Variants in RDX observed in about 807,000 individuals in gnomAD.
RDX encodes deafness, autosomal recessive 24.
A neutral mutation model predicts 83.7 loss-of-function variants in RDX; 32 were observed. That is an observed-to-expected ratio of 0.38 (90% CI 0.29 to 0.51). RDX has a LOEUF of 0.51. Ranked by LOEUF, RDX falls within the 20% of genes least tolerant of loss-of-function variation. RDX has a pLI of 0.87. For missense variants in RDX, 600 were observed against 689.9 expected, an observed-to-expected ratio of 0.87 and a Z score of 1.46; for synonymous variants, 229 against 222.7, an observed-to-expected ratio of 1.03 and a Z score of -0.25.
intron 1 of RDX, among the ~76,000 whole-genome samples, chr11:110,295,556 T>C (rs1861414661): frequency 6.7e-6 from 1 of 149,420 alleles, no homozygotes; most frequent in Non-Finnish European, 1.5e-5. Context: ...TAACTACTCT[T>C]TAAGGAAAAA....
intron 15 of RDX, chr11:110,179,920 G>A: frequency 1.5e-5 from 1 of 66,042 alleles, no homozygotes; most frequent in Non-Finnish European, 2.8e-5. Context: ...TTTTTTTTTT[G>A]AGACAGAGTT....
intron 3 of RDX, among the ~76,000 whole-genome samples, chr11:110,271,388 G>A (rs959975734): frequency 1.3e-5 from 2 of 152,118 alleles, no homozygotes; most frequent in African/African-American, 2.4e-5. Flanking sequence ...AAGAAAAAGT[G>A]TACGTGAAGT....
At position 110,207,048 on chromosome 11, in the gene RDX, C is replaced by T. The variant is rs149248453; in HGVS notation, c.1749-7370G>A. ...AGTGCAGTGGCATGATCTCAGCTCA[C>T]TGTAACCTCCACCTCCTGAGGTTCA... is the stretch of plus-strand genomic sequence containing the variant. On this transcript the variant is annotated intron_variant, in intron 14 of 15. Coordinates refer to the RDX transcript ENST00000528498. Among the ~76,000 whole-genome samples, 769 of 152,310 alleles carry T rather than the reference C, an allele frequency of 5.0e-3. 5 individuals carry two copies. The highest frequency in any genetic ancestry group is 7.8e-3 in the Non-Finnish European group (528 of 68,028).
chr11:110,247,600 G>T, intron 10 of RDX, 103 bp downstream of exon 10: 1 of 1,169,662 alleles, frequency 8.5e-7, no homozygotes, highest in Non-Finnish European at 1.2e-6. Context: ...ATATACAATT[G>T]TCCTATATAA....
intron 1 of RDX, among the ~76,000 whole-genome samples, chr11:110,287,953 A>G (rs1406332801): frequency 6.6e-6 from 1 of 152,208 alleles, no homozygotes; most frequent in Non-Finnish European, 1.5e-5. Context: ...ATTCGAAACA[A>G]TTACTAGGGC....
chr11:110,220,619 C>G (rs1864210028), intron 14 of RDX, among the ~76,000 whole-genome samples: 1 of 152,180 alleles, frequency 6.6e-6, no homozygotes, highest in Non-Finnish European at 1.5e-5. Context: ...CTGCCTCAGC[C>G]TCCTGAGTAG....
At chr11:110,266,220 C>T (rs963755033) in intron 3 of RDX, among the ~76,000 whole-genome samples, 4 of 151,770 alleles carry the variant, frequency 2.6e-5, no homozygotes, top group Non-Finnish European at 5.9e-5. Flanking sequence ...GTAGTCCCAG[C>T]CACTTGGGAG....
chr11:110,284,541 G>A (rs1425191809), intron 1 of RDX, among the ~76,000 whole-genome samples: 1 of 127,376 alleles, frequency 7.9e-6, no homozygotes, highest in African/African-American at 3.0e-5. Flanking sequence ...TTTTTTTTTT[G>A]AGATGGTCTC....
chr11:110,246,364 C>T (rs1859104915), intron 10 of RDX, among the ~76,000 whole-genome samples: 1 of 152,174 alleles, frequency 6.6e-6, no homozygotes, highest in African/African-American at 2.4e-5. Context: ...CCACAGCAGG[C>T]TGGTGTAAGA....
intron 1 of RDX, among the ~76,000 whole-genome samples, chr11:110,286,729 A>G (rs1396799938): frequency 6.6e-6 from 1 of 152,238 alleles, no homozygotes; most frequent in East Asian, 1.9e-4. Flanking sequence ...AAGAGAACTC[A>G]TCTGCCAATT....
At chr11:110,292,216 C>A (rs1861272274) in intron 1 of RDX, among the ~76,000 whole-genome samples, 1 of 151,874 alleles carries the variant, frequency 6.6e-6, no homozygotes, top group South Asian at 2.1e-4. Flanking sequence ...TCGCTTGAAC[C>A]CTGGAGGCAG....
chr11:110,205,064 T>C (rs1238810373), intron 14 of RDX, among the ~76,000 whole-genome samples: 1 of 152,000 alleles, frequency 6.6e-6, no homozygotes, highest in Admixed American at 6.6e-5. Flanking sequence ...ATAGAAACAC[T>C]GACCAATGCA....
intron 1 of RDX, among the ~76,000 whole-genome samples, chr11:110,287,857 CAA>C (rs1861051129): frequency 6.6e-6 from 1 of 152,306 alleles, no homozygotes; most frequent in South Asian, 2.1e-4. Flanking sequence ...GGCTACTTAA[CAA>C]GACATAAGTC....
At position 110,281,536 on chromosome 11, in the gene RDX, A is replaced by G. The variant is rs1017024995; in HGVS notation, c.-64-1780T>C. ...GAGAAAGGGTTTCATCATGTTGGCC[A>G]GGCTGGTCTCAAACTCCTGAGCTCA... On this transcript the variant is annotated intron_variant, in intron 1 of 13. Transcript: ENST00000645495. Among the ~76,000 whole-genome samples the G allele has an allele frequency of 2.0e-5, 3 of 152,180 alleles. No individual in the cohort carries two copies. In the East Asian group the frequency reaches 5.8e-4, roughly 29 times the overall value.
chr11:110,187,965 A>G (rs922941484), intron 15 of RDX, among the ~76,000 whole-genome samples: 2 of 152,212 alleles, frequency 1.3e-5, no homozygotes, highest in African/African-American at 4.8e-5. Flanking sequence ...AAACCTGCCA[A>G]CAGAAGTGCA....
intron 2 of RDX, among the ~76,000 whole-genome samples, chr11:110,273,351 T>C (rs1860377498): frequency 6.6e-6 from 1 of 152,262 alleles, no homozygotes; most frequent in African/African-American, 2.4e-5. Flanking sequence ...TGTAAATACA[T>C]TATTCGCTTT....
chr11:110,200,607 C>T (rs563701936), intron 14 of RDX, among the ~76,000 whole-genome samples: 5 of 151,928 alleles, frequency 3.3e-5, no homozygotes, highest in South Asian at 2.1e-4. Context: ...ATGGAAACCA[C>T]GTCATGAAGA....
At chr11:110,185,379 G>C (rs1469860580) in intron 15 of RDX, 1 of 152,206 alleles carries the variant, frequency 6.6e-6, no homozygotes, top group Admixed American at 6.5e-5. Context: ...AGAACATTGG[G>C]TTCTTCTGGA....
intron 14 of RDX, among the ~76,000 whole-genome samples, chr11:110,206,789 C>T (rs575213133): frequency 5.9e-5 from 9 of 152,144 alleles, no homozygotes; most frequent in African/African-American, 1.9e-4. Context: ...TTGAGCCATT[C>T]GAATTTCAAA....
Sources: gnomAD v4.1 joint callset for allele counts (sites outside exome capture counted in the v4.1 genomes callset) on GRCh38, gnomAD v4.1.1 for gene constraint, MANE v1.5 for transcripts, NCBI Gene and HGNC (gene_info 2026-07-23, HGNC 2026-07-21) for gene names.